MAP3K4: variants seen among roughly 807,000 people sequenced by gnomAD.
MAP3K4 encodes the protein mitogen-activated protein kinase kinase kinase 4.
A neutral mutation model predicts 185.6 loss-of-function variants in MAP3K4; 67 were observed. The ratio of observed to expected loss-of-function variants is 0.36; its 90% confidence interval spans 0.30 to 0.44. MAP3K4 has a LOEUF of 0.44. MAP3K4 is among the 20% of genes least tolerant of loss of function. The pLI is 1.00. For synonymous variants in MAP3K4, 702 were observed against 710.4 expected, an observed-to-expected ratio of 0.99 and a Z score of 0.19; for missense variants, 1,551 against 1,995.1, an observed-to-expected ratio of 0.78 and a Z score of 4.24.
chr6:161,095,437 T>A (rs1244279540), intron 15 of MAP3K4, among the ~76,000 whole-genome samples: 1 of 152,256 alleles, frequency 6.6e-6, no homozygotes, highest in Non-Finnish European at 1.5e-5. Context: ...GTCATTTTGT[T>A]GTTATTGTTG....
In MAP3K4 at chr6:161,077,100, A is replaced by G. The variant is rs1785211721; in HGVS notation, c.2097+3488A>G. On this transcript the variant is annotated intron_variant, in intron 5 of 26. Coordinates refer to ENST00000392142, the MANE Select transcript of MAP3K4 (RefSeq NM_005922.4). The surrounding 1 kb of genome is among the most constrained non-coding windows in gnomAD (Gnocchi z 4.3). ...GTAACAGATGAAAAACGTAGACCAAACAATACTATATATTGTAGTTTCTGT... is the reference window on the plus strand; with the variant it reads ...GTAACAGATGAAAAACGTAGACCAAGCAATACTATATATTGTAGTTTCTGT... Among the ~76,000 whole-genome samples the G allele has an allele frequency of 6.6e-6, 1 of 152,224 alleles. No homozygotes were observed. The highest frequency in any genetic ancestry group is 2.1e-4 in the South Asian group (1 of 4,834).
intron 15 of MAP3K4, among the ~76,000 whole-genome samples, chr6:161,095,416 G>A (rs73784752): frequency 0.022 from 3,284 of 152,256 alleles, 95 homozygotes; most frequent in African/African-American, 0.071. Context: ...GAAAATGAGA[G>A]CACATCAACT....
Position 161,092,963 on chromosome 6 carries a change from T to G in MAP3K4, c.3270-15T>G, listed in dbSNP as rs755895843. ...CTTGGTTGTTATGTGATTACTGAAC[T>G]TTTTCGTGTACCAGGTGGGCGACTC... is the stretch of plus-strand genomic sequence containing the variant. On this transcript the variant is annotated splice_polypyrimidine_tract_variant and intron_variant, in intron 13 of 26. Coordinates refer to ENST00000392142, the MANE Select transcript of MAP3K4 (RefSeq NM_005922.4). The G allele has an allele frequency of 1.3e-6, 2 of 1,590,270 alleles. No homozygotes were observed. Among genetic ancestry groups the G allele is most frequent in the South Asian group, 2.2e-5 (2 of 90,444 alleles).
intron 1 of MAP3K4, among the ~76,000 whole-genome samples, chr6:161,015,073 A>G (rs979222273): frequency 2.0e-5 from 3 of 152,150 alleles, no homozygotes; most frequent in Non-Finnish European, 2.9e-5. Context: ...GTTTTGTCAT[A>G]GTATAAATTA....
intron 1 of MAP3K4, among the ~76,000 whole-genome samples, chr6:161,020,936 A>C (rs1782358654): frequency 6.6e-6 from 1 of 152,174 alleles, no homozygotes; most frequent in Non-Finnish European, 1.5e-5. Flanking sequence ...CATTGACCTT[A>C]TGTGTTCAAC....
intron 3 of MAP3K4, among the ~76,000 whole-genome samples, chr6:161,059,901 A>T (rs1784412805): frequency 6.7e-6 from 1 of 148,714 alleles, no homozygotes; most frequent in South Asian, 2.2e-4. Context: ...AGGGTCATTT[A>T]TCCTGTAGGG....
At chr6:161,057,845 TTC>T (rs1482478664) in intron 3 of MAP3K4, among the ~76,000 whole-genome samples, 3 of 152,254 alleles carry the variant, frequency 2.0e-5, no homozygotes, top group Admixed American at 1.3e-4. Context: ...CCTTTAGGTT[TTC>T]TGTTTTCTTA....
chr6:160,997,757 G>A (rs1400924040), intron 1 of MAP3K4, among the ~76,000 whole-genome samples: 1 of 152,114 alleles, frequency 6.6e-6, no homozygotes, highest in African/African-American at 2.4e-5. Context: ...CAAACTACAT[G>A]GTACATATTG....
chr6:160,997,636 G>T (rs1781066550), intron 1 of MAP3K4, among the ~76,000 whole-genome samples: 1 of 152,190 alleles, frequency 6.6e-6, no homozygotes, highest in Admixed American at 6.5e-5. Flanking sequence ...GAAGATGGGA[G>T]CCAAAATTTG....
At chr6:161,079,968 A>G (rs915775660) in intron 5 of MAP3K4, among the ~76,000 whole-genome samples, 9 of 152,204 alleles carry the variant, frequency 5.9e-5, no homozygotes, top group African/African-American at 1.9e-4. Flanking sequence ...GAAACCTAGG[A>G]TAGAGAAAGG....
chr6:161,030,501 G>A (rs1259767788), intron 1 of MAP3K4, among the ~76,000 whole-genome samples: 1 of 151,988 alleles, frequency 6.6e-6, no homozygotes, highest in Non-Finnish European at 1.5e-5. Context: ...GGAGTGCAGT[G>A]GTGCCAGCTC....
Position 161,054,444 on chromosome 6 carries a change from C to T in MAP3K4, c.1707+4465C>T, listed in dbSNP as rs551729440. 1.3e-5 allele frequency among the ~76,000 whole-genome samples: 2 copies of T among 152,222 alleles called. No individual in the cohort carries two copies. The highest frequency in any genetic ancestry group is 4.1e-4 in the South Asian group (2 of 4,820). On this transcript the variant is annotated intron_variant, in intron 3 of 26. Transcript: ENST00000392142. The surrounding 1 kb of genome is among the most constrained non-coding windows in gnomAD (Gnocchi z 4.2). ...TGCTGGGATGATAGGTGTGAGCCAC[C>T]GCGCCCGGCCCAAACTAATTTTTCT...
Position 161,034,572 on chromosome 6 carries a change from A to AT in MAP3K4, c.343+132dup, listed in dbSNP as rs3214734. On this transcript the variant is annotated intron_variant, in intron 2 of 26. Transcript: ENST00000392142. This position sits in a 1 kb window ranked among gnomAD's most constrained non-coding sequence, Gnocchi z 4.4. ...GATTTTAATGCTCCTGTAAAGTTCA[A>AT]TTTTTTTTTGAATTATTACCATTAG... 0.78 allele frequency: 445,359 copies of AT among 568,076 alleles called. 173,178 individuals carry two copies. The highest frequency in any genetic ancestry group is 0.93 in the East Asian group (25,908 of 27,850). 35.2% of individuals were successfully genotyped at this position (568,076 alleles called of 1,614,324 possible).
rs901759820 is a variant in MAP3K4 at position 161,070,486 on chromosome 6, T to C, written c.1708-122T>C. On this transcript the variant is annotated intron_variant, in intron 3 of 26. Transcript: ENST00000392142. The surrounding 1 kb of genome is among the most constrained non-coding windows in gnomAD (Gnocchi z 4.5). ...TTAAATTATTAAATATTCTTTTCCC[T>C]GTAAAATTAGAATTTTTGTAGATTT... 12 of 683,996 alleles carry C rather than the reference T, an allele frequency of 1.8e-5. No individual in the cohort carries two copies. In the African/African-American group the frequency reaches 2.2e-4, roughly 13 times the overall value. 42.4% of individuals were successfully genotyped at this position (683,996 alleles called of 1,614,324 possible). A position where few individuals can be genotyped will look rare whatever the true frequency, so the allele number is the denominator to read the frequency against.
chr6:160,993,216 A>G lies in MAP3K4; in HGVS notation c.152+1133A>G, dbSNP rs148566235. On this transcript the variant is annotated intron_variant, in intron 1 of 26. Transcript: ENST00000392142. ...TTCTGAGATAGTTCTGGGTACTTCT[A>G]AGGAACAACTTCTCTGAATAATGGT... is the stretch of plus-strand genomic sequence containing the variant. 1.3e-3 allele frequency among the ~76,000 whole-genome samples: 192 copies of G among 152,326 alleles called. 2 individuals are homozygous for G. The East Asian group carries it at 0.015, about 12-fold the overall frequency.
At chr6:161,000,788 TAC>T (rs965310713) in intron 1 of MAP3K4, among the ~76,000 whole-genome samples, 7 of 148,534 alleles carry the variant, frequency 4.7e-5, no homozygotes, top group Non-Finnish European at 8.9e-5. Context: ...CACCCATATA[TAC>T]ACACATGTGT....
intron 1 of MAP3K4, chr6:160,992,436 T>G: frequency 2.9e-6 from 1 of 344,750 alleles, no homozygotes; most frequent in Admixed American, 5.1e-5. Flanking sequence ...CTGAAGTGCC[T>G]CTCATCATTA....
chr6:161,067,413 G>A lies in MAP3K4; in HGVS notation c.1708-3195G>A, dbSNP rs1268528972. 1.7e-5 allele frequency: 3 copies of A among 171,486 alleles called. No individual in the cohort carries two copies. The highest frequency in any genetic ancestry group is 7.2e-5 in the African/African-American group (3 of 41,866). 10.6% of individuals were successfully genotyped at this position (171,486 alleles called of 1,614,324 possible). ...GCAGGTTTACCCTAAGCAGTTCCCA[G>A]CTTGACTTTTCCCTTTAGCTTAATG... On this transcript the variant is annotated intron_variant, in intron 3 of 26. Coordinates refer to ENST00000392142, the MANE Select transcript of MAP3K4 (RefSeq NM_005922.4). The surrounding 1 kb of genome is among the most constrained non-coding windows in gnomAD (Gnocchi z 6.3).
chr6:161,069,842 G>A (rs1233833473), intron 3 of MAP3K4, among the ~76,000 whole-genome samples: 2 of 152,012 alleles, frequency 1.3e-5, no homozygotes, highest in Non-Finnish European at 2.9e-5. Context: ...GGTGGGTGAG[G>A]ACCAAAGGGA....
Sources: allele counts gnomAD v4.1 joint callset (sites outside exome capture counted in the v4.1 genomes callset), GRCh38; gene constraint gnomAD v4.1.1; non-coding constraint Gnocchi (gnomAD v3.1); transcripts MANE v1.5; gene names NCBI Gene and HGNC (gene_info 2026-07-23, HGNC 2026-07-21).